Variants in PLA2G15 observed in about 807,000 individuals in gnomAD.
PLA2G15 encodes the protein phospholipase A2 group XV, also known as lysosomal phospholipase A and acyltransferase.
In PLA2G15, 20 loss-of-function variants were observed where a neutral mutation model predicts 40.9. The observed-to-expected ratio is 0.49, with a 90% CI of 0.34 to 0.71. The LOEUF is 0.71. PLA2G15 is among the 30% of genes least tolerant of loss of function. The pLI is 0.01. For missense variants in PLA2G15, 471 were observed against 541.9 expected (o/e 0.87, Z 1.30); for synonymous variants, 223 against 228.2 (o/e 0.98, Z 0.21).
At chr16:68,251,857 C>CAAA (rs57051096) in intron 2 of PLA2G15, among the ~76,000 whole-genome samples, 3 of 77,218 alleles carry the variant, frequency 3.9e-5, no homozygotes, top group Non-Finnish European at 8.5e-5. Flanking sequence ...GAGACTGTCT[C>CAAA]AAAAAAAAAA....
In PLA2G15 at chr16:68,253,691, G is replaced by GTTTTT. The variant is rs58831503; in HGVS notation, c.285-1216_285-1212dup. Among the ~76,000 whole-genome samples the GTTTTT allele has an allele frequency of 9.2e-3, 1,153 of 124,886 alleles. 30 individuals carry two copies. The highest frequency in any genetic ancestry group is 0.029 in the African/African-American group (964 of 32,902). 81.9% of individuals were successfully genotyped at this position (124,886 alleles called of 152,430 possible). A position where few individuals can be genotyped will look rare whatever the true frequency, so the allele number is the denominator to read the frequency against. On this transcript the variant is annotated intron_variant, in intron 2 of 5. Transcript: ENST00000219345. ...TGCCTGGCCTAGTGTGTTTTGTTTT[G>GTTTTT]TTTTTTTTTTTTTTTTGAGACAGGG... is the stretch of plus-strand genomic sequence containing the variant.
At chr16:68,257,183 G>C (rs762072469) in intron 5 of PLA2G15, among the ~76,000 whole-genome samples, 1 of 151,974 alleles carries the variant, frequency 6.6e-6, no homozygotes, top group Non-Finnish European at 1.5e-5. Context: ...CACCGCACCC[G>C]GCCAGATTTT....
At chr16:68,252,780 C>T (rs1011001280) in intron 2 of PLA2G15, among the ~76,000 whole-genome samples, 1 of 152,126 alleles carries the variant, frequency 6.6e-6, no homozygotes, top group African/African-American at 2.4e-5. Flanking sequence ...CCAGCATGAG[C>T]ACATAGTGTG....
chr16:68,255,704 A>G lies in PLA2G15; in HGVS notation c.503-62A>G. ...CTCGTCTTGTGTCTGGCCTGAGAAA[A>G]GCTCAGTGGTTCCGGCTCCAGGACC... On this transcript the variant is annotated intron_variant, in intron 4 of 5. Coordinates refer to ENST00000219345, the MANE Select transcript of PLA2G15 (RefSeq NM_012320.4). This position sits in a 1 kb window ranked among gnomAD's most constrained non-coding sequence, Gnocchi z 5.9. 1 of 1,396,134 alleles carries G rather than the reference A, an allele frequency of 7.2e-7. No individual in the cohort carries two copies. Among genetic ancestry groups the G allele is most frequent in the South Asian group, 1.2e-5 (1 of 86,232 alleles). 86.5% of individuals were successfully genotyped at this position (1,396,134 alleles called of 1,614,324 possible). A position where few individuals can be genotyped will look rare whatever the true frequency, so the allele number is the denominator to read the frequency against.
At chr16:68,248,681 C>T in intron 1 of PLA2G15, 2 of 996,086 alleles carry the variant, frequency 2.0e-6, no homozygotes, top group Non-Finnish European at 2.4e-6. Context: ...GCCCCTGCGC[C>T]CTGCCTCGAA....
chr16:68,248,668 T>C, intron 1 of PLA2G15: 2 of 965,506 alleles, frequency 2.1e-6, no homozygotes, highest in South Asian at 7.0e-5. Context: ...ATTACAGGCA[T>C]GAGCCCCTGC....
rs1166621235 is a variant in PLA2G15, at chr16:68,260,485, CT to C, written c.*829del. 6.6e-6 allele frequency: 1 copy of C among 152,494 alleles called. No homozygotes were observed. The highest frequency in any genetic ancestry group is 1.5e-5 in the Non-Finnish European group (1 of 68,108). 9.4% of individuals were successfully genotyped at this position (152,494 alleles called of 1,614,324 possible). A position where few individuals can be genotyped will look rare whatever the true frequency, so the allele number is the denominator to read the frequency against. ...GAGCAGGGGTTGGAGCCATGGCCTT[CT>C]GGGAACCTATGGAGAAAGGGAATCC... On this transcript the variant is annotated 3_prime_UTR_variant, in exon 6 of 6. Coordinates refer to ENST00000219345, the MANE Select transcript of PLA2G15 (RefSeq NM_012320.4).
Position 68,249,419 on chromosome 16 carries a change from T to C in PLA2G15, c.257T>C (p.Ile86Thr), listed in dbSNP as rs764002977. ...WLNLELLLPV[I>T]IDCWIDNIRL... Reference sequence around the variant, plus strand: ...AACCTGGAACTGCTGCTGCCTGTCATCATTGACTGCTGGATTGACAATATC... The same window carrying C: ...AACCTGGAACTGCTGCTGCCTGTCACCATTGACTGCTGGATTGACAATATC... The change falls in exon 2 of 6, where the codon ATC becomes ACC. Residue 86 changes from isoleucine to threonine, a missense_variant. Physicochemically the swap from Ile to Thr is moderately conservative, Grantham distance 89. Coordinates refer to ENST00000219345, the MANE Select transcript of PLA2G15 (RefSeq NM_012320.4). 14 of 1,614,134 alleles carry C rather than the reference T, an allele frequency of 8.7e-6. No homozygotes were observed. Among genetic ancestry groups the C allele is most frequent in the Non-Finnish European group, 1.2e-5 (14 of 1,180,010 alleles).
At position 68,253,407 on chromosome 16, in the gene PLA2G15, G is replaced by A. The variant is rs139980438; in HGVS notation, c.285-1512G>A. 953 of 435,250 alleles carry A rather than the reference G, an allele frequency of 2.2e-3. 11 individuals are homozygous for A. Among genetic ancestry groups the A allele is most frequent in the African/African-American group, 0.017 (839 of 49,360 alleles). The allele number at this position is 435,250 out of a possible 1,614,324, so 27.0% of individuals were successfully genotyped here. A position where few individuals can be genotyped will look rare whatever the true frequency, so the allele number is the denominator to read the frequency against. ...GTTTGTTTTTTTGAGACAGAGTTTC[G>A]CTCTTATTGCCCAGGCTGGAGTGCA... On this transcript the variant is annotated intron_variant, in intron 2 of 5. Coordinates refer to ENST00000219345, the MANE Select transcript of PLA2G15 (RefSeq NM_012320.4).
At chr16:68,256,107 T>C (rs2042400124) in intron 5 of PLA2G15, 117 bp downstream of exon 5, 1 of 627,954 alleles carries the variant, frequency 1.6e-6, no homozygotes, top group Non-Finnish European at 2.7e-6. Context: ...GTGTGTGGGG[T>C]CTATGCAAAT....
At chr16:68,247,480 T>A (rs1214420571) in intron 1 of PLA2G15, among the ~76,000 whole-genome samples, 6 of 152,190 alleles carry the variant, frequency 3.9e-5, no homozygotes, top group African/African-American at 1.4e-4. Flanking sequence ...TGGCCACTGC[T>A]ATTTTTAGGG....
intron 2 of PLA2G15, chr16:68,254,351 A>ATTTTTTTT (rs953704547): frequency 2.9e-5 from 4 of 139,370 alleles, no homozygotes; most frequent in African/African-American, 1.1e-4. Flanking sequence ...TTATTTATTT[A>ATTTTTTTT]TTTTTTTGAG....
chr16:68,249,506 AG>A (rs1355984189), intron 2 of PLA2G15, 60 bp downstream of exon 2: 10 of 1,497,940 alleles, frequency 6.7e-6, no homozygotes, highest in African/African-American at 1.4e-5. Flanking sequence ...AGAGGCCTCC[AG>A]AGTCTGTTCC....
At chr16:68,250,275 TAACTTTTA>T in intron 2 of PLA2G15, 1 of 392,378 alleles carries the variant, frequency 2.5e-6, no homozygotes, top group Non-Finnish European at 4.9e-6. Flanking sequence ...TTTTTTTTTT[TAACTTTTA>T]TTTTTTGAGA....
intron 1 of PLA2G15, among the ~76,000 whole-genome samples, chr16:68,247,915 C>T (rs1037648355): frequency 6.6e-5 from 10 of 152,162 alleles, no homozygotes; most frequent in African/African-American, 9.7e-5. Flanking sequence ...ATGGGAGTAA[C>T]GAGACTGTGA....
chr16:68,256,308 G>A (rs750198626), intron 5 of PLA2G15: 13 of 260,914 alleles, frequency 5.0e-5, no homozygotes, highest in Non-Finnish European at 8.0e-5. Context: ...ACTCCGATGC[G>A]ATGTGTTGAA....
At position 68,259,527 on chromosome 16, in the gene PLA2G15, A is replaced by C; in HGVS notation, c.1109A>C (p.Gln370Pro). ...DGTVNLKSAL[Q>P]CQAWQSRQEH... ...ACTGTGAACTTGAAGAGTGCCCTGC[A>C]GTGCCAGGCCTGGCAGAGCCGCCAG... Residue 370 changes from glutamine (Q) to proline (P), a missense_variant, in exon 6 of 6, where the codon CAG becomes CCG. By Grantham distance (76) the Gln-to-Pro change is moderately conservative (BLOSUM62 -1). Transcript: ENST00000219345. This position sits in a 1 kb window ranked among gnomAD's most constrained non-coding sequence, Gnocchi z 6.5. 1 of 1,613,354 alleles carries C rather than the reference A, an allele frequency of 6.2e-7. No individual in the cohort carries two copies. The highest frequency in any genetic ancestry group is 1.1e-5 in the South Asian group (1 of 91,084).
At chr16:68,245,586 TCGGGCGGGACGGGCCG>T in intron 1 of PLA2G15, 33 bp downstream of exon 1, 1 of 1,550,628 alleles carries the variant, frequency 6.4e-7, no homozygotes, top group Non-Finnish European at 8.7e-7. Context: ...GATCTGTCGG[TCGGGCGGGACGGGCCG>T]CGGGCGGGGC....
chr16:68,256,629 GC>G (rs2042404141), intron 5 of PLA2G15, among the ~76,000 whole-genome samples: 1 of 152,030 alleles, frequency 6.6e-6, no homozygotes, highest in Non-Finnish European at 1.5e-5. Flanking sequence ...TTCTGCCTCA[GC>G]CTCCTGAGTA....
Sources: allele counts gnomAD v4.1 joint callset (sites outside exome capture counted in the v4.1 genomes callset), GRCh38; gene constraint gnomAD v4.1.1; non-coding constraint Gnocchi (gnomAD v3.1); transcripts MANE v1.5; gene names NCBI Gene and HGNC (gene_info 2026-07-23, HGNC 2026-07-21).